Variants in IL13RA1 observed in about 807,000 individuals in gnomAD.
IL13RA1 encodes the protein interleukin 13 receptor subunit alpha 1, also known as interleukin-13 receptor subunit alpha-1.
A neutral mutation model predicts 33.8 loss-of-function variants in IL13RA1; 14 were observed. That is an observed-to-expected ratio of 0.41 (90% CI 0.27 to 0.65). IL13RA1 has a LOEUF of 0.65. Ranked by LOEUF, IL13RA1 falls within the 30% of genes least tolerant of loss-of-function variation. IL13RA1 has a pLI of 0.28. For synonymous variants in IL13RA1, 116 were observed against 115.7 expected, an observed-to-expected ratio of 1.00 and a Z score of -0.02; for missense variants, 313 against 327.0, an observed-to-expected ratio of 0.96 and a Z score of 0.33.
chrX:118,760,381 A>G (rs1005735828), intron 5 of IL13RA1, among the ~76,000 whole-genome samples: 11 of 112,075 alleles, frequency 9.8e-5, no homozygotes, highest in Admixed American at 5.7e-4. Context: ...GACTAAGCCA[A>G]TGTTTTAATG....
Position 118,791,762 on chromosome X carries a change from C to T in IL13RA1, c.1192C>T (p.His398Tyr), listed in dbSNP as rs145848479. 1.3e-4 allele frequency: 123 copies of T among 912,065 alleles called. 1 individual carries two copies. In the African/African-American group the frequency reaches 2.3e-3, roughly 17 times the overall value. 75.2% of individuals were successfully genotyped at this position (912,065 alleles called of 1,213,427 possible). ...TATGTGTTTTTTTCCTCCCTTCTAG[C>T]ACTGGAAGAAGTACGACATCTATGA... The part of the protein sequence containing the change: ...MFGDQNDDTL[H>Y]WKKYDIYEKQ... Residue 398 changes from histidine (H) to tyrosine (Y), a missense_variant and splice_region_variant, in exon 11 of 11, where the codon CAC (histidine) becomes TAC (tyrosine). His to Tyr is a moderately conservative substitution (Grantham distance 83). Transcript: ENST00000371666.
downstream of IL13RA1, among the ~76,000 whole-genome samples, chrX:118,798,926 C>A (rs994214788): frequency 2.8e-4 from 31 of 112,351 alleles, 1 homozygote; most frequent in Non-Finnish European, 9.4e-5. Flanking sequence ...GGCTGGAGCC[C>A]ACTCCCTCAG....
At chrX:118,738,515 C>T (rs1258243707) in intron 1 of IL13RA1, among the ~76,000 whole-genome samples, 1 of 111,804 alleles carries the variant, frequency 8.9e-6, no homozygotes, top group East Asian at 2.8e-4. Context: ...AGGATAAAGG[C>T]CTCCAGCTCC....
chrX:118,790,112 C>T (rs766870764), intron 10 of IL13RA1, among the ~76,000 whole-genome samples: 3 of 112,050 alleles, frequency 2.7e-5, no homozygotes, highest in African/African-American at 6.5e-5. Flanking sequence ...ATATTTCCAT[C>T]ATCTCCTAAA....
intron 4 of IL13RA1, among the ~76,000 whole-genome samples, chrX:118,752,281 A>AC (rs760691693): frequency 5.9e-4 from 65 of 110,352 alleles, no homozygotes; most frequent in African/African-American, 1.9e-3. Context: ...GCCTCCATGC[A>AC]CCCCCGCCCC....
chrX:118,778,459 A>G (rs1298407771), intron 10 of IL13RA1, among the ~76,000 whole-genome samples: 2 of 111,270 alleles, frequency 1.8e-5, no homozygotes, highest in African/African-American at 6.5e-5. Context: ...TGGTTCTCCA[A>G]CTTTAGTTGA....
intron 8 of IL13RA1, among the ~76,000 whole-genome samples, chrX:118,768,844 G>A (rs1345582902): frequency 2.7e-5 from 3 of 112,010 alleles, no homozygotes; most frequent in African/African-American, 9.7e-5. Context: ...AGGGAGCATA[G>A]CCCTGCTGAC....
downstream of IL13RA1, among the ~76,000 whole-genome samples, chrX:118,799,073 C>T (rs886419454): frequency 8.8e-6 from 1 of 113,039 alleles, no homozygotes; most frequent in African/African-American, 3.2e-5. Flanking sequence ...CCTGCTGGCC[C>T]CGGGCAATGG....
intron 1 of IL13RA1, chrX:118,738,259 A>G (rs2017303952): frequency 9.0e-6 from 1 of 111,267 alleles, no homozygotes; most frequent in Non-Finnish European, 1.9e-5. Flanking sequence ...ATATGCACAG[A>G]TTTGCTACAT....
chrX:118,771,151 T>A (rs1468454335), intron 8 of IL13RA1, among the ~76,000 whole-genome samples: 2 of 111,926 alleles, frequency 1.8e-5, no homozygotes, highest in Non-Finnish European at 3.8e-5. Context: ...GTGGAAGGGA[T>A]CCTTATAGAG....
chrX:118,798,949 T>C (rs952990947), downstream of IL13RA1, among the ~76,000 whole-genome samples: 11 of 111,217 alleles, frequency 9.9e-5, no homozygotes, highest in Admixed American at 6.6e-4. Flanking sequence ...TGCAGGGAGG[T>C]GTGGAGGGAG....
intron 4 of IL13RA1, among the ~76,000 whole-genome samples, chrX:118,751,553 T>C (rs1445999770): frequency 9.0e-6 from 1 of 110,697 alleles, no homozygotes; most frequent in Non-Finnish European, 1.9e-5. Flanking sequence ...GAGAGGGGAC[T>C]GAGAGGCTTT....
chrX:118,756,312 T>C (rs2017529513), intron 4 of IL13RA1, among the ~76,000 whole-genome samples: 1 of 111,440 alleles, frequency 9.0e-6, no homozygotes, highest in South Asian at 3.7e-4. Context: ...AACAGTTCTC[T>C]GATAGCCTAG....
chrX:118,733,245 T>C (rs1168279150), intron 1 of IL13RA1, among the ~76,000 whole-genome samples: 1 of 112,364 alleles, frequency 8.9e-6, no homozygotes, highest in East Asian at 2.8e-4. Context: ...AGTGAAATTT[T>C]AAATTTCCAC....
chrX:118,737,666 T>C (rs2017296919), intron 1 of IL13RA1, among the ~76,000 whole-genome samples: 1 of 112,221 alleles, frequency 8.9e-6, no homozygotes, highest in Non-Finnish European at 1.9e-5. Flanking sequence ...ATTTGAAAGG[T>C]TGAATATAGG....
chrX:118,733,436 T>C (rs1182685527), intron 1 of IL13RA1, among the ~76,000 whole-genome samples: 2 of 112,177 alleles, frequency 1.8e-5, no homozygotes, highest in Admixed American at 1.9e-4. Context: ...CTTATCTTTG[T>C]TGGTGAAATA....
chrX:118,768,564 A>G (rs1460977609), intron 8 of IL13RA1, among the ~76,000 whole-genome samples: 1 of 112,400 alleles, frequency 8.9e-6, no homozygotes, highest in Admixed American at 9.4e-5. Flanking sequence ...GTACCTGTGA[A>G]TGTAACCTTA....
At chrX:118,776,541 GTTTTTTTTTTT>G (rs5903529) in intron 10 of IL13RA1, 30 bp downstream of exon 10, 31 of 219,763 alleles carry the variant, frequency 1.4e-4, no homozygotes, top group Non-Finnish European at 2.2e-4. Context: ...GGCTTGAAAT[GTTTTTTTTTTT>G]TTTTTTTTTT....
intron 1 of IL13RA1, among the ~76,000 whole-genome samples, chrX:118,740,201 A>G (rs1029412566): frequency 8.9e-6 from 1 of 112,084 alleles, no homozygotes; most frequent in Admixed American, 9.5e-5. Context: ...CCTGGGCTCA[A>G]GCCGCTTGGT....
Sources: gnomAD v4.1 joint callset for allele counts (sites outside exome capture counted in the v4.1 genomes callset) on GRCh38, gnomAD v4.1.1 for gene constraint, MANE v1.5 for transcripts, NCBI Gene and HGNC (gene_info 2026-07-23, HGNC 2026-07-21) for gene names.